The following MAPK8IP3 variants were observed in gnomAD, a reference collection of about 807,000 sequenced individuals.
The protein encoded by MAPK8IP3 is C-Jun-amino-terminal kinase-interacting protein 3.
MAPK8IP3 carries 49 observed loss-of-function variants against 157.8 expected under a neutral mutation model. The observed-to-expected ratio is 0.31, with a 90% CI of 0.25 to 0.39. The LOEUF is 0.39. Among genes scored for constraint, MAPK8IP3 ranks in the 10% least tolerant of loss-of-function variants. The pLI is 1.00. For synonymous variants in MAPK8IP3, 897 were observed against 777.7 expected (o/e 1.15, Z -2.55); for missense variants, 1,478 against 1,889.4 (o/e 0.78, Z 4.04).
Position 1,743,943 on chromosome 16 carries a change from G to A in MAPK8IP3, c.747+467G>A. 9.9e-7 allele frequency: 1 copy of A among 1,005,742 alleles called. No individual in the cohort carries two copies. The highest frequency in any genetic ancestry group is 1.2e-6 in the Non-Finnish European group (1 of 843,150). The allele number at this position is 1,005,742 out of a possible 1,614,324, so 62.3% of individuals were successfully genotyped here. A position where few individuals can be genotyped will look rare whatever the true frequency, so the allele number is the denominator to read the frequency against. On this transcript the variant is annotated intron_variant, in intron 5 of 31. Transcript: ENST00000610761. The surrounding 1 kb of genome is among the most constrained non-coding windows in gnomAD (Gnocchi z 5.6). ...CCCTCCGTTGGCAGAAAGGTGAGGA[G>A]AAAGCTCCTCTTCTCTGGGCCCCTC...
At chr16:1,737,738 G>A (rs546600879) in intron 4 of MAPK8IP3, among the ~76,000 whole-genome samples, 1 of 71,406 alleles carries the variant, frequency 1.4e-5, no homozygotes, top group Admixed American at 1.4e-4. Flanking sequence ...GAGCATCCGT[G>A]TGAGCGTGAC....
rs892716436 is a variant in MAPK8IP3 at position 1,742,493 on chromosome 16, C to T, written c.603-839C>T. On this transcript the variant is annotated intron_variant, in intron 4 of 31. Coordinates refer to ENST00000610761, the MANE Select transcript of MAPK8IP3 (RefSeq NM_001318852.2). This position sits in a 1 kb window ranked among gnomAD's most constrained non-coding sequence, Gnocchi z 5.0. ...GAAGACGCCCCTCAGGCTCAGGCTC[C>T]GGCTGCAGCAGATGAGACGGGGTCA... 1.3e-5 allele frequency among the ~76,000 whole-genome samples: 2 copies of T among 152,176 alleles called. No individual in the cohort carries two copies. The highest frequency in any genetic ancestry group is 4.8e-5 in the African/African-American group (2 of 41,432).
At chr16:1,737,872 G>A (rs2040143232) in intron 4 of MAPK8IP3, among the ~76,000 whole-genome samples, 1 of 89,562 alleles carries the variant, frequency 1.1e-5, no homozygotes, top group African/African-American at 4.4e-5. Context: ...GCATCTGTGT[G>A]ACCGTCCGTG....
chr16:1,727,563 TGTGTGAGGTGCTGTGTCTAAGTCGTGC>T lies in MAPK8IP3; in HGVS notation c.440-1547_440-1521del, dbSNP rs1224348577. ...TGTGAGGTGCTGTGTCTAAGTCGTGTGTGTGAGGTGCTGTGTCTAAGTCGTGCGTGTGAGGTGCTGTGTCTAAGTCGT... is the reference window on the plus strand; with the variant it reads ...TGTGAGGTGCTGTGTCTAAGTCGTGTGTGTGAGGTGCTGTGTCTAAGTCGT... On this transcript the variant is annotated intron_variant, in intron 2 of 31. Transcript: ENST00000610761. Among the ~76,000 whole-genome samples, 52 of 151,152 alleles carry T rather than the reference TGTGTGAGGTGCTGTGTCTAAGTCGTGC, an allele frequency of 3.4e-4. No individual in the cohort carries two copies. In the East Asian group the frequency reaches 4.9e-3, roughly 14 times the overall value.
At chr16:1,754,481 G>C (rs1487433536) in intron 8 of MAPK8IP3, among the ~76,000 whole-genome samples, 1 of 151,838 alleles carries the variant, frequency 6.6e-6, no homozygotes, top group Non-Finnish European at 1.5e-5. Flanking sequence ...TGTAGAAACT[G>C]TCCACAAATA....
rs1382097822 is a variant in MAPK8IP3 at position 1,767,315 on chromosome 16, C to T, written c.3237+18C>T. 6 of 1,612,122 alleles carry T rather than the reference C, an allele frequency of 3.7e-6. No homozygotes were observed. Among genetic ancestry groups the T allele is most frequent in the African/African-American group, 1.3e-5 (1 of 74,936 alleles). On this transcript the variant is annotated intron_variant, in intron 26 of 31. Transcript: ENST00000610761. ...AGATAGAGGCGAGTGCCGGCCAGGG[C>T]CCCGGGGAGGGGAAGAGGCTCCTGC...
At chr16:1,739,780 GTCCA>G (rs1269215972) in intron 4 of MAPK8IP3, among the ~76,000 whole-genome samples, 1 of 123,892 alleles carries the variant, frequency 8.1e-6, no homozygotes, top group African/African-American at 3.2e-5. Context: ...GCGTGTCACC[GTCCA>G]TGTGAGCATC....
intron 4 of MAPK8IP3, among the ~76,000 whole-genome samples, chr16:1,735,395 G>A (rs943716881): frequency 1.0e-4 from 15 of 147,914 alleles, no homozygotes; most frequent in South Asian, 8.8e-4. Context: ...CGTGTGGAAC[G>A]TGTGACCGTC....
Position 1,768,875 on chromosome 16 carries a change from A to C in MAPK8IP3, c.*51A>C. The C allele has an allele frequency of 6.3e-7, 1 of 1,588,798 alleles. No homozygotes were observed. The highest frequency in any genetic ancestry group is 8.6e-7 in the Non-Finnish European group (1 of 1,168,024). ...TGTACATAGGACCCCCGACCACCTG[A>C]CCCCCGCCCGGCCCGCGGGGTAGCC... On this transcript the variant is annotated 3_prime_UTR_variant, in exon 32 of 32. Transcript: ENST00000610761.
chr16:1,725,301 GC>G (rs1057510901), intron 2 of MAPK8IP3, among the ~76,000 whole-genome samples: 2 of 151,034 alleles, frequency 1.3e-5, no homozygotes, highest in African/African-American at 4.9e-5. Context: ...GGTTGATACT[GC>G]CGTGTGGGCA....
In MAPK8IP3 at chr16:1,706,280, T is replaced by TG; in HGVS notation, c.-56dup. The TG allele has an allele frequency of 6.9e-7, 1 of 1,445,938 alleles. No homozygotes were observed. The highest frequency in any genetic ancestry group is 9.1e-7 in the Non-Finnish European group (1 of 1,095,362). 89.6% of individuals were successfully genotyped at this position (1,445,938 alleles called of 1,614,324 possible). A position where few individuals can be genotyped will look rare whatever the true frequency, so the allele number is the denominator to read the frequency against. On this transcript the variant is annotated 5_prime_UTR_variant, in exon 1 of 32. Coordinates refer to ENST00000610761, the MANE Select transcript of MAPK8IP3 (RefSeq NM_001318852.2). The surrounding 1 kb of genome is among the most constrained non-coding windows in gnomAD (Gnocchi z 5.1). Reference sequence around the variant, plus strand: ...TGCGGCCTGCGGAACCTGAGGCAGCTGGGGAGGGCCGGGCGCGCCGGCCGG... The same window carrying TG: ...TGCGGCCTGCGGAACCTGAGGCAGCTGGGGGAGGGCCGGGCGCGCCGGCCGG...
intron 8 of MAPK8IP3, among the ~76,000 whole-genome samples, chr16:1,752,743 T>C (rs1196099496): frequency 1.4e-5 from 2 of 138,802 alleles, no homozygotes; most frequent in Non-Finnish European, 3.1e-5. Context: ...AGTGAGGCCC[T>C]GTCTCTTAAA....
chr16:1,730,593 C>G (rs1220623850), intron 4 of MAPK8IP3, among the ~76,000 whole-genome samples: 1 of 152,034 alleles, frequency 6.6e-6, no homozygotes, highest in African/African-American at 2.4e-5. Flanking sequence ...CCTGTAATCC[C>G]AGCACTTTGG....
At chr16:1,749,463 C>T (rs1023273296) in intron 8 of MAPK8IP3, among the ~76,000 whole-genome samples, 1 of 152,200 alleles carries the variant, frequency 6.6e-6, no homozygotes, top group African/African-American at 2.4e-5. Context: ...CCCACTCCTC[C>T]GCAGACAGCC....
In MAPK8IP3 at chr16:1,711,942, CAAAA is replaced by C. The variant is rs751305952; in HGVS notation, c.318+5297_318+5300del. ...TGGGCAATTGAGGGAGACTCCGTCT[CAAAA>C]AAAAAAAAAAAGAAAAAAAAAGAAA... is the stretch of plus-strand genomic sequence containing the variant. On this transcript the variant is annotated intron_variant, in intron 1 of 31. Coordinates refer to ENST00000610761, the MANE Select transcript of MAPK8IP3 (RefSeq NM_001318852.2). Among the ~76,000 whole-genome samples, 7 of 52,492 alleles carry C rather than the reference CAAAA, an allele frequency of 1.3e-4. No individual in the cohort carries two copies. The East Asian group carries it at 2.9e-3, about 21-fold the overall frequency. 34.4% of individuals were successfully genotyped at this position (52,492 alleles called of 152,430 possible). A position where few individuals can be genotyped will look rare whatever the true frequency, so the allele number is the denominator to read the frequency against.
In MAPK8IP3 at chr16:1,766,803, T is replaced by A; in HGVS notation, c.3020T>A (p.Val1007Glu). Residue 1007 changes from valine (V) to glutamate (E), a missense_variant and splice_region_variant, in exon 24 of 32, where the codon GTG becomes GAG. Physicochemically the swap from Val to Glu is moderately radical, Grantham distance 121 (BLOSUM62 -2). Transcript: ENST00000610761. ...CTGAAGGATTCTGTGCTGAGCCTGG[T>A]GTGGGTGACCCCAGACCGAGGGCCG... ...IKLKDSVLSL[V>E]HVKGRVLVAL... 1 of 1,612,612 alleles carries A rather than the reference T, an allele frequency of 6.2e-7. No individual in the cohort carries two copies. The highest frequency in any genetic ancestry group is 8.5e-7 in the Non-Finnish European group (1 of 1,179,902).
At chr16:1,765,571 G>A (rs2042211191) in intron 20 of MAPK8IP3, among the ~76,000 whole-genome samples, 1 of 152,366 alleles carries the variant, frequency 6.6e-6, no homozygotes, top group South Asian at 2.1e-4. Flanking sequence ...CCTGTGGGCA[G>A]TAGCCTTGGT....
chr16:1,718,472 C>T (rs949068092), intron 1 of MAPK8IP3, among the ~76,000 whole-genome samples: 1 of 151,854 alleles, frequency 6.6e-6, no homozygotes, highest in Non-Finnish European at 1.5e-5. Flanking sequence ...GCATGAGTCA[C>T]CGCGCCCGGC....
intron 4 of MAPK8IP3, among the ~76,000 whole-genome samples, chr16:1,738,803 AC>A (rs2040328199): frequency 9.0e-6 from 1 of 110,932 alleles, no homozygotes; most frequent in South Asian, 3.3e-4. Context: ...GAGTGTGACC[AC>A]CCATGTGAGC....
Sources: gnomAD v4.1 joint callset for allele counts (sites outside exome capture counted in the v4.1 genomes callset) on GRCh38, gnomAD v4.1.1 for gene constraint, Gnocchi (gnomAD v3.1) non-coding constraint, MANE v1.5 for transcripts, NCBI Gene and HGNC (gene_info 2026-07-23, HGNC 2026-07-21) for gene names.